SPAG6: variants seen among roughly 807,000 people sequenced by gnomAD.
SPAG6 encodes sperm associated antigen 6, also known as sperm-associated antigen 6.
SPAG6 carries 49 observed loss-of-function variants against 58.5 expected under a neutral mutation model. The ratio of observed to expected loss-of-function variants is 0.84; its 90% CI spans 0.67 to 1.06. SPAG6 has a LOEUF of 1.06. Ranked by LOEUF, SPAG6 falls within the 50% of genes least tolerant of loss-of-function variation. SPAG6 has a pLI of 0.00. For missense variants in SPAG6, 560 were observed against 611.3 expected (o/e 0.92, Z 0.89); for synonymous variants, 233 against 225.6 (o/e 1.03, Z -0.29).
At chr10:22,390,742 G>A (rs543556239) in intron 7 of SPAG6, among the ~76,000 whole-genome samples, 5 of 152,260 alleles carry the variant, frequency 3.3e-5, no homozygotes, top group African/African-American at 2.4e-5. Context: ...TCTGAAGACA[G>A]GTCTGACCTT....
At chr10:22,416,362 T>C (rs1331312130) in intron 10 of SPAG6, among the ~76,000 whole-genome samples, 3 of 152,212 alleles carry the variant, frequency 2.0e-5, no homozygotes, top group Admixed American at 2.0e-4. Context: ...GATTCTTGTT[T>C]GGAAAATGTC....
chr10:22,358,678 AT>A (rs1241991785), intron 2 of SPAG6, among the ~76,000 whole-genome samples: 1 of 151,700 alleles, frequency 6.6e-6, no homozygotes, highest in Non-Finnish European at 1.5e-5. Flanking sequence ...CTGAATGGTA[AT>A]GCCTAGGTTT....
At chr10:22,381,328 T>C (rs891658816) in intron 4 of SPAG6, among the ~76,000 whole-genome samples, 2 of 151,258 alleles carry the variant, frequency 1.3e-5, no homozygotes, top group Non-Finnish European at 2.9e-5. Flanking sequence ...TCACACAGTG[T>C]TCTTAAAAAA....
intron 2 of SPAG6, among the ~76,000 whole-genome samples, chr10:22,360,477 A>T (rs1466808058): frequency 6.6e-6 from 1 of 152,032 alleles, no homozygotes; most frequent in Non-Finnish European, 1.5e-5. Flanking sequence ...AAAAAAAAAA[A>T]AAAAGGTAGT....
Position 22,386,848 on chromosome 10 carries a change from G to T in SPAG6, c.567G>T (p.Ser189=), listed in dbSNP as rs371765813. ...PEIALKRIAA[S]ALSDIAKHSP... ...TTGCTTTGAAAAGGATTGCTGCTTC[G>T]GCCCTCAGTGATATTGCAAAGCATT... The change falls in exon 5 of 11, where the codon TCG becomes TCT. Residue 189 remains serine (S), a synonymous_variant. Transcript: ENST00000376624. The T allele has an allele frequency of 1.2e-6, 2 of 1,613,554 alleles. No homozygotes were observed. Among genetic ancestry groups the T allele is most frequent in the African/African-American group, 2.7e-5 (2 of 74,852 alleles).
chr10:22,388,070 A>T, intron 6 of SPAG6, 74 bp downstream of exon 6: 1 of 1,240,640 alleles, frequency 8.1e-7, no homozygotes, highest in East Asian at 2.5e-5. Flanking sequence ...CAATTTGTTT[A>T]TAGGGCCTAG....
Position 22,389,159 on chromosome 10 carries a change from G to A in SPAG6, c.853-1G>A, listed in dbSNP as rs1460876650. The stretch of plus-strand genomic sequence containing the variant: ...ATCTAACTCTTGTTCCCATCGCTTA[G>A]CTTTCACAGCTGGTAGTTAACGCAG... On this transcript the variant is annotated splice_acceptor_variant, in intron 6 of 10. Transcript: ENST00000376624. LOFTEE classifies it high-confidence loss of function. 3 of 1,612,772 alleles carry A rather than the reference G, an allele frequency of 1.9e-6. No homozygotes were observed. Among genetic ancestry groups the A allele is most frequent in the Admixed American group, 1.7e-5 (1 of 59,888 alleles).
intron 2 of SPAG6, chr10:22,346,134 A>G: frequency 7.3e-7 from 1 of 1,372,228 alleles, no homozygotes; most frequent in Non-Finnish European, 9.5e-7. Flanking sequence ...GACCCATTTT[A>G]TCCAAGTGCC....
intron 9 of SPAG6, among the ~76,000 whole-genome samples, chr10:22,407,884 C>T (rs1355766126): frequency 6.6e-6 from 1 of 151,300 alleles, no homozygotes; most frequent in African/African-American, 2.5e-5. Context: ...TCATTTCATT[C>T]ATTTCATCTT....
At chr10:22,393,856 T>C (rs1834235723) in intron 8 of SPAG6, among the ~76,000 whole-genome samples, 1 of 152,198 alleles carries the variant, frequency 6.6e-6, no homozygotes, top group Admixed American at 6.5e-5. Flanking sequence ...GAAAAGTGTA[T>C]CCAAGAGTGT....
chr10:22,381,204 C>T (rs1356001754), intron 4 of SPAG6, among the ~76,000 whole-genome samples: 1 of 152,016 alleles, frequency 6.6e-6, no homozygotes. Flanking sequence ...AGAAAGCCCC[C>T]CACAGGCTGT....
At chr10:22,379,747 T>C (rs1050376972) in intron 4 of SPAG6, among the ~76,000 whole-genome samples, 3 of 152,236 alleles carry the variant, frequency 2.0e-5, no homozygotes, top group African/African-American at 7.2e-5. Flanking sequence ...TGATGTTACA[T>C]AGCAGTAGAT....
In SPAG6 at chr10:22,378,055, CTTTTTTT is replaced by C. The variant is rs776198268; in HGVS notation, c.473-8685_473-8679del. Among the ~76,000 whole-genome samples, 102 of 123,002 alleles carry C rather than the reference CTTTTTTT, an allele frequency of 8.3e-4. 1 individual carries two copies. The highest frequency in any genetic ancestry group is 1.8e-3 in the East Asian group (8 of 4,408). The allele number at this position is 123,002 out of a possible 152,430, so 80.7% of individuals were successfully genotyped here. The stretch of plus-strand genomic sequence containing the variant: ...TACAGATCTTTTTTTCTTTTCTTTT[CTTTTTTT>C]TTTTTTTTTTTTTCTTTTTGAGACA... On this transcript the variant is annotated intron_variant, in intron 4 of 10. Coordinates refer to ENST00000376624, the MANE Select transcript of SPAG6 (RefSeq NM_012443.4).
At chr10:22,381,378 T>A (rs1833952065) in intron 4 of SPAG6, among the ~76,000 whole-genome samples, 1 of 144,210 alleles carries the variant, frequency 6.9e-6, no homozygotes, top group Non-Finnish European at 1.5e-5. Context: ...AATTTCACAT[T>A]AAAAAAAAAA....
intron 2 of SPAG6, among the ~76,000 whole-genome samples, chr10:22,350,715 G>A (rs1005173535): frequency 1.3e-5 from 2 of 152,080 alleles, no homozygotes; most frequent in Admixed American, 1.3e-4. Context: ...TCTTGCCTGA[G>A]CCCTCACAGT....
chr10:22,366,290 T>C (rs1208389682), intron 3 of SPAG6, among the ~76,000 whole-genome samples: 1 of 152,186 alleles, frequency 6.6e-6, no homozygotes, highest in Non-Finnish European at 1.5e-5. Context: ...ATATGCTAAG[T>C]GCAAGAAGCC....
intron 8 of SPAG6, among the ~76,000 whole-genome samples, chr10:22,394,969 C>T (rs1834262875): frequency 6.6e-6 from 1 of 152,136 alleles, no homozygotes; most frequent in Non-Finnish European, 1.5e-5. Flanking sequence ...CTTGACCTCC[C>T]AAAGCACTGG....
intron 8 of SPAG6, among the ~76,000 whole-genome samples, chr10:22,395,172 T>G (rs964137176): frequency 6.6e-5 from 10 of 152,372 alleles, no homozygotes; most frequent in South Asian, 2.1e-4. Context: ...GGATTATTTC[T>G]ACTCTTGACT....
At chr10:22,366,796 G>A (rs1024204811) in intron 3 of SPAG6, among the ~76,000 whole-genome samples, 8 of 152,116 alleles carry the variant, frequency 5.3e-5, no homozygotes, top group Admixed American at 1.3e-4. Flanking sequence ...GGTATCCCAC[G>A]TAGAAGATTT....
Sources: allele counts gnomAD v4.1 joint callset (sites outside exome capture counted in the v4.1 genomes callset), GRCh38; gene constraint gnomAD v4.1.1; transcripts MANE v1.5; gene names NCBI Gene and HGNC (gene_info 2026-07-23, HGNC 2026-07-21).